GREM2: variants seen among roughly 807,000 people sequenced by gnomAD.
The protein encoded by GREM2 is gremlin-2.
GREM2 carries 11 observed loss-of-function variants against 14.2 expected under a neutral mutation model. The observed-to-expected ratio is 0.78, with a 90% CI of 0.49 to 1.28. The LOEUF (loss-of-function observed/expected upper bound fraction) is 1.28, where lower values mean the gene tolerates loss of function less well. Ranked by LOEUF, GREM2 falls within the 50% of genes most tolerant of loss-of-function variation. GREM2 has a pLI of 0.00. For missense variants in GREM2, 210 were observed against 218.5 expected, an observed-to-expected ratio of 0.96 and a Z score of 0.24; for synonymous variants, 98 against 97.6, an observed-to-expected ratio of 1.00 and a Z score of -0.02.
At chr1:240,516,790 C>A (rs1184533606) in intron 1 of GREM2, among the ~76,000 whole-genome samples, 1 of 152,152 alleles carries the variant, frequency 6.6e-6, no homozygotes, top group Non-Finnish European at 1.5e-5. Flanking sequence ...AGCCTTAATT[C>A]TGAGCCAGAA....
chr1:240,565,312 T>G (rs1215954761), intron 1 of GREM2, among the ~76,000 whole-genome samples: 1 of 152,160 alleles, frequency 6.6e-6, no homozygotes. Context: ...TAACATCAAA[T>G]TAGCAATATG....
chr1:240,562,944 G>A (rs989673709), intron 1 of GREM2, among the ~76,000 whole-genome samples: 29 of 134,884 alleles, frequency 2.1e-4, no homozygotes, highest in African/African-American at 9.4e-4. Context: ...GTGAGTGTGT[G>A]AGTGTGTATG....
At chr1:240,497,233 G>A (rs1007347775) in intron 1 of GREM2, among the ~76,000 whole-genome samples, 1 of 152,018 alleles carries the variant, frequency 6.6e-6, no homozygotes, top group Non-Finnish European at 1.5e-5. Flanking sequence ...GGCTCAAGAA[G>A]CATTCTTTTT....
At chr1:240,591,668 C>A (rs558068242) in intron 1 of GREM2, among the ~76,000 whole-genome samples, 14 of 152,222 alleles carry the variant, frequency 9.2e-5, no homozygotes, top group Middle Eastern at 3.4e-3. Flanking sequence ...ATTGCTCTTT[C>A]ACAGATGATC....
intron 1 of GREM2, among the ~76,000 whole-genome samples, chr1:240,579,555 G>T (rs528051807): frequency 6.6e-6 from 1 of 152,140 alleles, no homozygotes; most frequent in Non-Finnish European, 1.5e-5. Context: ...TGTGCAATAC[G>T]CTGTGATAGG....
intron 1 of GREM2, among the ~76,000 whole-genome samples, chr1:240,505,433 A>T (rs1677656157): frequency 6.6e-6 from 1 of 152,182 alleles, no homozygotes; most frequent in Non-Finnish European, 1.5e-5. Flanking sequence ...GTATTCATAT[A>T]TGAAAACAAA....
intron 1 of GREM2, among the ~76,000 whole-genome samples, chr1:240,531,103 T>C (rs1434518051): frequency 2.0e-5 from 3 of 152,218 alleles, no homozygotes; most frequent in Non-Finnish European, 4.4e-5. Flanking sequence ...ATTGCCAAAA[T>C]ACTCATGGAA....
chr1:240,520,541 AGAAACTTTTTCTTTTTTTTT>A (rs1678060505), intron 1 of GREM2, among the ~76,000 whole-genome samples: 1 of 152,012 alleles, frequency 6.6e-6, no homozygotes, highest in South Asian at 2.1e-4. Flanking sequence ...CATTAAGTGC[AGAAACTTTTTCTTTTTTTTT>A]GAGACAGAGT....
intron 1 of GREM2, among the ~76,000 whole-genome samples, chr1:240,580,617 C>A (rs1000229081): frequency 1.3e-5 from 2 of 152,148 alleles, no homozygotes; most frequent in Non-Finnish European, 2.9e-5. Context: ...CTTTGTCACC[C>A]AGGTTGAACT....
At chr1:240,519,094 T>C (rs1481235683) in intron 1 of GREM2, among the ~76,000 whole-genome samples, 1 of 152,158 alleles carries the variant, frequency 6.6e-6, no homozygotes, top group African/African-American at 2.4e-5. Context: ...AAAAAGCAAA[T>C]ATTTTTGGAA....
At chr1:240,562,934 G>A (rs1208400412) in intron 1 of GREM2, among the ~76,000 whole-genome samples, 2 of 143,848 alleles carry the variant, frequency 1.4e-5, no homozygotes, top group East Asian at 4.0e-4. Context: ...GTGTATGTGT[G>A]TGAGTGTGTG....
chr1:240,520,586 A>AGTACG (rs1678062424), intron 1 of GREM2, among the ~76,000 whole-genome samples: 4 of 151,880 alleles, frequency 2.6e-5, no homozygotes, highest in African/African-American at 9.7e-5. Context: ...CTCATTGCCC[A>AGTACG]GGCTGGAGTA....
Position 240,492,937 on chromosome 1 carries a change from C to A in GREM2, c.*32G>T. 7.1e-7 allele frequency: 1 copy of A among 1,412,360 alleles called. No homozygotes were observed. The highest frequency in any genetic ancestry group is 1.5e-5 in the African/African-American group (1 of 67,302). 87.5% of individuals were successfully genotyped at this position (1,412,360 alleles called of 1,614,324 possible). On this transcript the variant is annotated 3_prime_UTR_variant, in exon 2 of 2. Coordinates refer to ENST00000318160, the MANE Select transcript of GREM2 (RefSeq NM_022469.4). The stretch of plus-strand genomic sequence containing the variant: ...GGCGGCGCCACCCAGCGGCCGGGCG[C>A]GCGCGGGGCTGAGCTGCGTCCGGCC...
chr1:240,608,201 T>C (rs1680069145), intron 1 of GREM2, among the ~76,000 whole-genome samples: 1 of 152,232 alleles, frequency 6.6e-6, no homozygotes, highest in South Asian at 2.1e-4. Flanking sequence ...ATCTGTGAGA[T>C]GTGTCTACTC....
At chr1:240,570,967 A>T (rs559656342) in intron 1 of GREM2, among the ~76,000 whole-genome samples, 1 of 152,358 alleles carries the variant, frequency 6.6e-6, no homozygotes, top group East Asian at 1.9e-4. Context: ...AAACTGGCAT[A>T]TCCAGGTTAA....
chr1:240,494,499 A>C (rs1215437374), intron 1 of GREM2, among the ~76,000 whole-genome samples: 1 of 152,356 alleles, frequency 6.6e-6, no homozygotes, highest in Non-Finnish European at 1.5e-5. Flanking sequence ...CATAGGCTAG[A>C]AAAATTACTA....
chr1:240,529,934 A>G (rs964601297), intron 1 of GREM2, among the ~76,000 whole-genome samples: 1 of 152,188 alleles, frequency 6.6e-6, no homozygotes, highest in Non-Finnish European at 1.5e-5. Context: ...TTGAAAAGAT[A>G]TTCTTGGGAC....
chr1:240,493,367 C>G lies in GREM2; in HGVS notation c.109G>C (p.Gly37Arg), dbSNP rs533988435. 9 of 1,613,940 alleles carry G rather than the reference C, an allele frequency of 5.6e-6. No homozygotes were observed. Among genetic ancestry groups the G allele is most frequent in the South Asian group, 1.1e-5 (1 of 91,076 alleles). ...AGAIPSPYKD[G>R]SSNNSERWQH... ...CATCTCTCCGAGTTGTTGCTGCTGC[C>G]GTCCTTGTAAGGCGAGGGGATGGCG... The change falls in exon 2 of 2, where the codon GGC becomes CGC. Residue 37 changes from glycine (G) to arginine (R), a missense_variant. Coordinates refer to ENST00000318160, the MANE Select transcript of GREM2 (RefSeq NM_022469.4).
At chr1:240,528,095 C>T (rs1678266367) in intron 1 of GREM2, among the ~76,000 whole-genome samples, 1 of 152,198 alleles carries the variant, frequency 6.6e-6, no homozygotes, top group Non-Finnish European at 1.5e-5. Context: ...CATCTTGACA[C>T]ACATTCTCTC....
Sources: allele counts gnomAD v4.1 joint callset (sites outside exome capture counted in the v4.1 genomes callset), GRCh38; gene constraint gnomAD v4.1.1; transcripts MANE v1.5; gene names NCBI Gene and HGNC (gene_info 2026-07-23, HGNC 2026-07-21).